TNFSF4: variants seen among roughly 807,000 people sequenced by gnomAD.
TNFSF4 encodes TNF superfamily member 4.
Under a neutral mutation model 7.3 loss-of-function variants are expected in TNFSF4, and 4 were observed. The ratio of observed to expected loss-of-function variants is 0.55; its 90% CI spans 0.27 to 1.25. The LOEUF is 1.25. Among genes scored for constraint, TNFSF4 ranks in the 50% most tolerant of loss-of-function variants. TNFSF4 has a pLI of 0.12. For synonymous variants in TNFSF4, 76 were observed against 83.7 expected (o/e 0.91, Z 0.50); for missense variants, 181 against 208.8 (o/e 0.87, Z 0.82).
At chr1:173,368,972 C>T in the TNFSF4 span, among the ~76,000 whole-genome samples, 4 of 152,274 alleles carry the variant, frequency 2.6e-5, no homozygotes, top group Admixed American at 2.0e-4. Context: ...CCCAGGCTCA[C>T]CAATAAGAAA....
chr1:173,448,297 A>G, the TNFSF4 span, among the ~76,000 whole-genome samples: 1 of 152,144 alleles, frequency 6.6e-6, no homozygotes, highest in Non-Finnish European at 1.5e-5. Context: ...CTACCCAACA[A>G]AGGTAGAAAA....
chr1:173,388,235 C>T, the TNFSF4 span, among the ~76,000 whole-genome samples: 1 of 152,206 alleles, frequency 6.6e-6, no homozygotes, highest in Non-Finnish European at 1.5e-5. Context: ...ACACTTGTTC[C>T]ATACCAACCT....
the TNFSF4 span, among the ~76,000 whole-genome samples, chr1:173,391,959 A>G: frequency 6.6e-6 from 1 of 152,196 alleles, no homozygotes; most frequent in Non-Finnish European, 1.5e-5. Flanking sequence ...AAGTTACCCA[A>G]ATGGACCTGC....
At chr1:173,422,217 C>A in the TNFSF4 span, among the ~76,000 whole-genome samples, 3 of 144,786 alleles carry the variant, frequency 2.1e-5, no homozygotes, top group East Asian at 5.9e-4. Context: ...AGAGACATTA[C>A]CAATGGCCAT....
At chr1:173,406,342 A>T in the TNFSF4 span, among the ~76,000 whole-genome samples, 1 of 152,176 alleles carries the variant, frequency 6.6e-6, no homozygotes, top group Non-Finnish European at 1.5e-5. Context: ...CATAGGAAAA[A>T]CAAGAGCTAT....
the TNFSF4 span, among the ~76,000 whole-genome samples, chr1:173,337,685 T>C: frequency 1.3e-5 from 2 of 152,326 alleles, no homozygotes; most frequent in East Asian, 3.9e-4. Flanking sequence ...CTTTGAGCAA[T>C]GCTCCTGAGT....
the TNFSF4 span, among the ~76,000 whole-genome samples, chr1:173,292,004 AAC>A: frequency 8.1e-3 from 1,222 of 151,632 alleles, 8 homozygotes; most frequent in African/African-American, 0.028. Context: ...AAAATCTACC[AAC>A]AAAAAAAAAA....
the TNFSF4 span, among the ~76,000 whole-genome samples, chr1:173,406,320 A>C: frequency 6.6e-6 from 1 of 152,206 alleles, no homozygotes; most frequent in African/African-American, 2.4e-5. Context: ...ACTGTACTCT[A>C]TTCTTGTCTG....
chr1:173,302,786 G>GA, the TNFSF4 span, among the ~76,000 whole-genome samples: 1 of 151,072 alleles, frequency 6.6e-6, no homozygotes, highest in Admixed American at 6.6e-5. Context: ...AGCTCCAGAG[G>GA]AAAATCACAT....
At chr1:173,384,071 C>T in the TNFSF4 span, among the ~76,000 whole-genome samples, 2 of 152,120 alleles carry the variant, frequency 1.3e-5, no homozygotes, top group South Asian at 2.1e-4. Flanking sequence ...AAGTAGAAAA[C>T]GAGTTGATGC....
At chr1:173,206,527 G>A (rs1650199833) in intron 1 of TNFSF4, among the ~76,000 whole-genome samples, 1 of 152,134 alleles carries the variant, frequency 6.6e-6, no homozygotes, top group African/African-American at 2.4e-5. Flanking sequence ...ACACACACAT[G>A]CACGCACACA....
At chr1:173,285,725 A>G in the TNFSF4 span, among the ~76,000 whole-genome samples, 1 of 152,200 alleles carries the variant, frequency 6.6e-6, no homozygotes, top group Admixed American at 6.5e-5. Context: ...TTTTAGCAAT[A>G]AAGTATTTTT....
At chr1:173,210,870 G>T (rs192742946), upstream of TNFSF4, among the ~76,000 whole-genome samples, 2 of 152,112 alleles carry the variant, frequency 1.3e-5, no homozygotes, top group Non-Finnish European at 2.9e-5. Context: ...CCTCCATCCT[G>T]GTACAGGAAG....
At chr1:173,348,324 T>C in the TNFSF4 span, among the ~76,000 whole-genome samples, 1 of 152,174 alleles carries the variant, frequency 6.6e-6, no homozygotes, top group Non-Finnish European at 1.5e-5. Flanking sequence ...ATTCTCACTC[T>C]CTCCTCTTGT....
rs1649180983 is a variant in TNFSF4, at chr1:173,185,437, T to C, written c.*1079A>G. ...TCAATGTGAGACTATATATGGTCTA[T>C]GGTATTTCTAGACAGAGATCATTAT... On this transcript the variant is annotated 3_prime_UTR_variant, in exon 3 of 3. Transcript: ENST00000281834. 6.6e-6 allele frequency: 1 copy of C among 152,202 alleles called. No individual in the cohort carries two copies. Among genetic ancestry groups the C allele is most frequent in the African/African-American group, 2.4e-5 (1 of 41,444 alleles). 9.4% of individuals were successfully genotyped at this position (152,202 alleles called of 1,614,324 possible).
At chr1:173,327,482 CA>C in the TNFSF4 span, among the ~76,000 whole-genome samples, 1 of 151,368 alleles carries the variant, frequency 6.6e-6, no homozygotes. Flanking sequence ...GCAATGGCAA[CA>C]AAAGCCAAAA....
At chr1:173,335,097 T>C in the TNFSF4 span, among the ~76,000 whole-genome samples, 2 of 152,172 alleles carry the variant, frequency 1.3e-5, no homozygotes, top group African/African-American at 4.8e-5. Flanking sequence ...TCATTTAATG[T>C]TGCAGCTCAG....
rs1571178651 is a variant in TNFSF4 at position 173,184,044 on chromosome 1, G to A, written c.*2472C>T. ...AAAATACATTCAACATAGTAAAGGA[G>A]AAGGTTACACTCCTTGACTCATAGC... On this transcript the variant is annotated 3_prime_UTR_variant, in exon 3 of 3. Coordinates refer to ENST00000281834, the MANE Select transcript of TNFSF4 (RefSeq NM_003326.5). The A allele has an allele frequency of 6.6e-6, 1 of 152,172 alleles. No individual in the cohort carries two copies. The highest frequency in any genetic ancestry group is 1.5e-5 in the Non-Finnish European group (1 of 68,034). 9.4% of individuals were successfully genotyped at this position (152,172 alleles called of 1,614,324 possible).
the TNFSF4 span, among the ~76,000 whole-genome samples, chr1:173,334,037 T>TATTA: frequency 5.3e-5 from 8 of 152,070 alleles, no homozygotes; most frequent in East Asian, 9.7e-4. Flanking sequence ...GCAAAATTTC[T>TATTA]ATTAATTAAT....
Sources: gnomAD v4.1 joint callset for allele counts (sites outside exome capture counted in the v4.1 genomes callset) on GRCh38, gnomAD v4.1.1 for gene constraint, MANE v1.5 for transcripts, NCBI Gene and HGNC (gene_info 2026-07-23, HGNC 2026-07-21) for gene names.